Variants in RPS6KC1 observed in about 807,000 individuals in gnomAD.
RPS6KC1 encodes ribosomal protein S6 kinase C1.
RPS6KC1 carries 54 observed loss-of-function variants against 103.8 expected under a neutral mutation model. The ratio of observed to expected loss-of-function variants is 0.52; its 90% CI spans 0.42 to 0.65. RPS6KC1 has a LOEUF of 0.65. RPS6KC1 is among the 30% of genes least tolerant of loss of function. The pLI, the probability that RPS6KC1 is intolerant of heterozygous loss-of-function variation, is 0.00. For missense variants in RPS6KC1, 1,151 were observed against 1,253.8 expected, an observed-to-expected ratio of 0.92 and a Z score of 1.24; for synonymous variants, 439 against 438.7, an observed-to-expected ratio of 1.00 and a Z score of -0.01.
chr1:213,672,008 C>T, the RPS6KC1 span, among the ~76,000 whole-genome samples: 10 of 152,080 alleles, frequency 6.6e-5, 1 homozygote, highest in South Asian at 6.2e-4. Context: ...GCTCTCCACC[C>T]CAACCCTACC....
At chr1:213,640,913 A>G in the RPS6KC1 span, among the ~76,000 whole-genome samples, 1 of 151,882 alleles carries the variant, frequency 6.6e-6, no homozygotes, top group Non-Finnish European at 1.5e-5. Flanking sequence ...TCAGCTCTTC[A>G]TTATCCTTGC....
intron 3 of RPS6KC1, among the ~76,000 whole-genome samples, chr1:213,085,807 T>C (rs1027463794): frequency 2.0e-5 from 3 of 152,202 alleles, no homozygotes; most frequent in Non-Finnish European, 4.4e-5. Flanking sequence ...TCTAGTAGTT[T>C]AGAATGCATT....
At chr1:213,862,612 A>G in the RPS6KC1 span, among the ~76,000 whole-genome samples, 1 of 152,104 alleles carries the variant, frequency 6.6e-6, no homozygotes, top group Non-Finnish European at 1.5e-5. Context: ...ACTCTTCCCC[A>G]TTCATTTTCC....
the RPS6KC1 span, among the ~76,000 whole-genome samples, chr1:213,493,750 G>C: frequency 6.6e-6 from 1 of 152,202 alleles, no homozygotes; most frequent in Non-Finnish European, 1.5e-5. Flanking sequence ...GAAACAGAAT[G>C]AGAGATTGTG....
chr1:213,481,365 G>A, the RPS6KC1 span, among the ~76,000 whole-genome samples: 20 of 152,290 alleles, frequency 1.3e-4, no homozygotes, highest in African/African-American at 4.8e-4. Flanking sequence ...GTTGATGCAG[G>A]AATGTAAAAT....
the RPS6KC1 span, among the ~76,000 whole-genome samples, chr1:213,834,922 C>G: frequency 5.3e-5 from 8 of 152,238 alleles, no homozygotes; most frequent in South Asian, 1.7e-3. Flanking sequence ...GACAAAGTCT[C>G]TCATTGACAT....
At chr1:213,557,106 G>T in the RPS6KC1 span, among the ~76,000 whole-genome samples, 52 of 152,290 alleles carry the variant, frequency 3.4e-4, 1 homozygote, top group East Asian at 7.0e-3. Flanking sequence ...ACCCAAACTA[G>T]ATGGCTCCTC....
chr1:213,547,213 A>T, the RPS6KC1 span, among the ~76,000 whole-genome samples: 1 of 152,078 alleles, frequency 6.6e-6, no homozygotes, highest in Non-Finnish European at 1.5e-5. Flanking sequence ...CCTCAGCCAT[A>T]CTCTTTTAAT....
In RPS6KC1 at chr1:213,161,691, T is replaced by C. The variant is rs17020209; in HGVS notation, c.836-6167T>C. Among the ~76,000 whole-genome samples, 638 of 152,282 alleles carry C rather than the reference T, an allele frequency of 4.2e-3. 2 individuals are homozygous for C. Among genetic ancestry groups the C allele is most frequent in the African/African-American group, 0.014 (602 of 41,538 alleles). On this transcript the variant is annotated intron_variant, in intron 6 of 14. Coordinates refer to ENST00000366960, the MANE Select transcript of RPS6KC1 (RefSeq NM_012424.6). ...AACAGCCATTTGAAAAAAGATGAAA[T>C]GGAGTCTATTCTGATTCTGATGTAT... is the stretch of plus-strand genomic sequence containing the variant.
the RPS6KC1 span, among the ~76,000 whole-genome samples, chr1:213,327,863 T>C: frequency 6.6e-6 from 1 of 152,124 alleles, no homozygotes; most frequent in Non-Finnish European, 1.5e-5. Flanking sequence ...CTTTCCCAGA[T>C]CGTTCCAAGT....
At chr1:213,055,675 T>A (rs1408387408) in intron 1 of RPS6KC1, among the ~76,000 whole-genome samples, 1 of 152,220 alleles carries the variant, frequency 6.6e-6, no homozygotes, top group Non-Finnish European at 1.5e-5. Flanking sequence ...TCTAGATTGT[T>A]TGCATTTGTG....
the RPS6KC1 span, among the ~76,000 whole-genome samples, chr1:213,528,108 T>C: frequency 1.3e-5 from 2 of 152,080 alleles, no homozygotes; most frequent in Non-Finnish European, 2.9e-5. Context: ...AGTTCAAAGC[T>C]GTTGTACTAG....
At chr1:213,431,867 T>G in the RPS6KC1 span, among the ~76,000 whole-genome samples, 1 of 152,194 alleles carries the variant, frequency 6.6e-6, no homozygotes, top group South Asian at 2.1e-4. Context: ...TTCAGATCTA[T>G]TATAATGAAG....
chr1:213,058,260 A>AT (rs1016476955), intron 1 of RPS6KC1, among the ~76,000 whole-genome samples: 6 of 151,906 alleles, frequency 3.9e-5, no homozygotes, highest in African/African-American at 1.5e-4. Context: ...GCAAAGCACA[A>AT]TTTGTAATTT....
the RPS6KC1 span, among the ~76,000 whole-genome samples, chr1:213,704,620 T>A: frequency 6.6e-6 from 1 of 152,230 alleles, no homozygotes; most frequent in Non-Finnish European, 1.5e-5. Context: ...TTCTCCAGAT[T>A]GGTCCCTGGT....
chr1:213,129,126 A>AAAAACAAAAAC (rs2085310467), intron 5 of RPS6KC1, among the ~76,000 whole-genome samples: 1 of 152,162 alleles, frequency 6.6e-6, no homozygotes, highest in Non-Finnish European at 1.5e-5. Context: ...TGCTGTTCTC[A>AAAAACAAAAAC]AAAACAAAAA....
chr1:213,192,593 A>T (rs1056815540), intron 8 of RPS6KC1, among the ~76,000 whole-genome samples: 3 of 152,054 alleles, frequency 2.0e-5, no homozygotes, highest in Non-Finnish European at 2.9e-5. Context: ...TTTATGGTTC[A>T]ATCTTGGTAG....
At chr1:213,832,275 T>C in the RPS6KC1 span, among the ~76,000 whole-genome samples, 2 of 152,192 alleles carry the variant, frequency 1.3e-5, no homozygotes, top group African/African-American at 4.8e-5. Context: ...TGAGGACTCC[T>C]GTTCTGGGAC....
intron 1 of RPS6KC1, among the ~76,000 whole-genome samples, chr1:213,057,865 G>A (rs926439828): frequency 1.4e-5 from 2 of 141,102 alleles, no homozygotes; most frequent in African/African-American, 5.2e-5. Context: ...CTGAGCTCAA[G>A]CAATTCTCCC....
Sources: allele counts gnomAD v4.1 joint callset (sites outside exome capture counted in the v4.1 genomes callset), GRCh38; gene constraint gnomAD v4.1.1; transcripts MANE v1.5; gene names NCBI Gene and HGNC (gene_info 2026-07-23, HGNC 2026-07-21).